FEZ1: variants seen among roughly 807,000 people sequenced by gnomAD.
The protein encoded by FEZ1 is fasciculation and elongation protein zeta-1.
FEZ1 carries 20 observed loss-of-function variants against 49.3 expected under a neutral mutation model. That is an observed-to-expected ratio of 0.41 (90% CI 0.29 to 0.59). FEZ1 has a LOEUF of 0.59. FEZ1 is among the 20% of genes least tolerant of loss of function. The pLI is 0.36. For synonymous variants in FEZ1, 170 were observed against 180.9 expected, an observed-to-expected ratio of 0.94 and a Z score of 0.48; for missense variants, 413 against 476.0, an observed-to-expected ratio of 0.87 and a Z score of 1.23.
intron 9 of FEZ1, among the ~76,000 whole-genome samples, chr11:125,446,409 C>A (rs982732924): frequency 1.3e-5 from 2 of 152,226 alleles, no homozygotes; most frequent in Non-Finnish European, 2.9e-5. Flanking sequence ...ATAGAACGTA[C>A]CTGCGCCTAC....
chr11:125,471,667 T>A (rs542033879), intron 3 of FEZ1, among the ~76,000 whole-genome samples: 3 of 152,194 alleles, frequency 2.0e-5, no homozygotes, highest in Admixed American at 2.0e-4. Context: ...ACAACAATGG[T>A]TGGAGATTTT....
At chr11:125,460,403 C>T in intron 5 of FEZ1, 95 bp downstream of exon 5, 1 of 1,084,838 alleles carries the variant, frequency 9.2e-7, no homozygotes, top group Non-Finnish European at 1.3e-6. Flanking sequence ...CTGAGGCAGT[C>T]AGGGTTCTAT....
intron 4 of FEZ1, among the ~76,000 whole-genome samples, chr11:125,461,721 G>C (rs921095984): frequency 3.5e-4 from 53 of 152,342 alleles, no homozygotes; most frequent in Non-Finnish European, 5.9e-5. Flanking sequence ...CTTCACCTTT[G>C]TCTGTTCTCC....
intron 1 of FEZ1, among the ~76,000 whole-genome samples, chr11:125,494,089 T>G (rs1957433616): frequency 1.3e-5 from 2 of 152,246 alleles, no homozygotes; most frequent in Admixed American, 6.5e-5. Context: ...ATAGACTGAT[T>G]GTTTTTTGTC....
At chr11:125,486,333 A>AAATTT (rs1957326530) in intron 2 of FEZ1, among the ~76,000 whole-genome samples, 6 of 151,996 alleles carry the variant, frequency 3.9e-5, no homozygotes, top group African/African-American at 1.4e-4. Flanking sequence ...TTTTGTAGTG[A>AAATTT]CCCCTAAGAG....
chr11:125,475,537 A>G (rs1957223339), intron 3 of FEZ1, among the ~76,000 whole-genome samples: 1 of 152,138 alleles, frequency 6.6e-6, no homozygotes, highest in Non-Finnish European at 1.5e-5. Flanking sequence ...AAATGATGAG[A>G]ACAAATGGAC....
chr11:125,452,412 G>T lies in FEZ1; in HGVS notation c.1021-3C>A. 6.2e-7 allele frequency: 1 copy of T among 1,607,848 alleles called. No homozygotes were observed. Among genetic ancestry groups the T allele is most frequent in the Non-Finnish European group, 8.5e-7 (1 of 1,174,290 alleles). On this transcript the variant is annotated splice_region_variant and splice_polypyrimidine_tract_variant and intron_variant, in intron 7 of 9. Coordinates refer to ENST00000278919, the MANE Select transcript of FEZ1 (RefSeq NM_005103.5). Reference sequence around the variant, plus strand: ...TAAGGAATGACTGTGTTCAGATACTGCAAGACAAACAGCATGCAGGGGGCT... The same window carrying T: ...TAAGGAATGACTGTGTTCAGATACTTCAAGACAAACAGCATGCAGGGGGCT...
chr11:125,488,141 C>T (rs551987892), intron 2 of FEZ1, among the ~76,000 whole-genome samples: 1 of 152,248 alleles, frequency 6.6e-6, no homozygotes, highest in South Asian at 2.1e-4. Flanking sequence ...TTTCCCAGGG[C>T]TCGGTTATCT....
intron 3 of FEZ1, among the ~76,000 whole-genome samples, chr11:125,472,933 T>C (rs1471108571): frequency 2.0e-5 from 3 of 152,188 alleles, no homozygotes. Context: ...AATTGGTCTG[T>C]AGATTCTACA....
chr11:125,485,248 T>C (rs541175453), intron 2 of FEZ1, among the ~76,000 whole-genome samples: 35 of 152,274 alleles, frequency 2.3e-4, no homozygotes, highest in African/African-American at 7.9e-4. Flanking sequence ...ATTTTATAGC[T>C]TGGGCTTAGG....
In FEZ1 at chr11:125,443,417, C is replaced by T. The variant is rs377365642; in HGVS notation, c.*2678G>A. On this transcript the variant is annotated 3_prime_UTR_variant, in exon 10 of 10. Coordinates refer to ENST00000278919, the MANE Select transcript of FEZ1 (RefSeq NM_005103.5). ...GTCAAGGATTCAGCAACTCTGAAAA[C>T]CTAGGGCAGAGTTTCTCTAATCCTT... Among the ~76,000 whole-genome samples, 1 of 152,188 alleles carries T rather than the reference C, an allele frequency of 6.6e-6. No homozygotes were observed. Among genetic ancestry groups the T allele is most frequent in the South Asian group, 2.1e-4 (1 of 4,824 alleles).
intron 1 of FEZ1, among the ~76,000 whole-genome samples, chr11:125,493,462 G>GAGA (rs1957415146): frequency 1.5e-5 from 1 of 65,624 alleles, no homozygotes; most frequent in African/African-American, 9.6e-5. Context: ...AAGAAGGAAA[G>GAGA]AAGGAAAGAA....
rs1164076495 is a variant in FEZ1 at position 125,443,155 on chromosome 11, G to A, written c.*2940C>T. Among the ~76,000 whole-genome samples, 1 of 152,102 alleles carries A rather than the reference G, an allele frequency of 6.6e-6. No individual in the cohort carries two copies. Among genetic ancestry groups the A allele is most frequent in the Admixed American group, 6.6e-5 (1 of 15,266 alleles). Reference sequence around the variant, plus strand: ...CCAGACAGACCTCTGACCTACCTAGGAGGGCTCCCTGCAGACCGTGGCTCT... The same window carrying A: ...CCAGACAGACCTCTGACCTACCTAGAAGGGCTCCCTGCAGACCGTGGCTCT... On this transcript the variant is annotated 3_prime_UTR_variant, in exon 10 of 10. Coordinates refer to ENST00000278919, the MANE Select transcript of FEZ1 (RefSeq NM_005103.5).
At position 125,443,946 on chromosome 11, in the gene FEZ1, C is replaced by T. The variant is rs1411960282; in HGVS notation, c.*2149G>A. 1.3e-5 allele frequency among the ~76,000 whole-genome samples: 2 copies of T among 152,168 alleles called. No individual in the cohort carries two copies. The highest frequency in any genetic ancestry group is 3.9e-4 in the East Asian group (2 of 5,194). On this transcript the variant is annotated 3_prime_UTR_variant, in exon 10 of 10. Transcript: ENST00000278919. Reference sequence around the variant, plus strand: ...AGTGGCTGACCCAGATCTGACAAATCCAAGGCAGGAAGAAAAGCTCTCAGG... The same window carrying T: ...AGTGGCTGACCCAGATCTGACAAATTCAAGGCAGGAAGAAAAGCTCTCAGG...
intron 2 of FEZ1, among the ~76,000 whole-genome samples, chr11:125,487,472 T>C (rs1036907980): frequency 1.3e-5 from 2 of 152,152 alleles, no homozygotes; most frequent in African/African-American, 4.8e-5. Flanking sequence ...CATTGGCTGG[T>C]GCACTAGAAC....
chr11:125,447,265 A>G (rs1956907121), intron 9 of FEZ1, among the ~76,000 whole-genome samples: 1 of 152,236 alleles, frequency 6.6e-6, no homozygotes, highest in Non-Finnish European at 1.5e-5. Context: ...AGGAGAACAT[A>G]TTAAATTACA....
intron 5 of FEZ1, among the ~76,000 whole-genome samples, chr11:125,459,729 T>TA (rs1591585645): frequency 6.6e-6 from 1 of 152,262 alleles, no homozygotes; most frequent in African/African-American, 2.4e-5. Context: ...ACAAGTCATG[T>TA]AACCTCTGAA....
chr11:125,493,547 A>AAAGAAAGGAAGG (rs1555043782), intron 1 of FEZ1, among the ~76,000 whole-genome samples: 1 of 134,584 alleles, frequency 7.4e-6, no homozygotes, highest in Non-Finnish European at 1.7e-5. Flanking sequence ...AGAAAGAAAG[A>AAAGAAAGGAAGG]AAGAAAGGTG....
chr11:125,443,626 C>A lies in FEZ1; in HGVS notation c.*2469G>T, dbSNP rs549686174. ...GGGGCCTGAGATTTTGCATTTCTAA[C>A]AAGCTTCTAAGTGCGGTCAGTGCTG... On this transcript the variant is annotated 3_prime_UTR_variant, in exon 10 of 10. Transcript: ENST00000278919. Among the ~76,000 whole-genome samples, 1 of 152,146 alleles carries A rather than the reference C, an allele frequency of 6.6e-6. No homozygotes were observed. Among genetic ancestry groups the A allele is most frequent in the African/African-American group, 2.4e-5 (1 of 41,432 alleles).
Sources: allele counts gnomAD v4.1 joint callset (sites outside exome capture counted in the v4.1 genomes callset), GRCh38; gene constraint gnomAD v4.1.1; transcripts MANE v1.5; gene names NCBI Gene and HGNC (gene_info 2026-07-23, HGNC 2026-07-21).